ZFP36L2: variants seen among roughly 807,000 people sequenced by gnomAD.
The protein encoded by ZFP36L2 is ZFP36 like 2 zinc finger CCCH-type.
A neutral mutation model predicts 27.9 loss-of-function variants in ZFP36L2; 16 were observed. That is an observed-to-expected ratio of 0.57 (90% CI 0.39 to 0.87). ZFP36L2 has a LOEUF of 0.87. Among genes scored for constraint, ZFP36L2 ranks in the 40% least tolerant of loss-of-function variants. The pLI is 0.00. For synonymous variants in ZFP36L2, 600 were observed against 363.8 expected (o/e 1.65, Z -7.39); for missense variants, 989 against 726.9 (o/e 1.36, Z -4.15).
chr2:43,225,312 C>T lies in ZFP36L2; in HGVS notation c.492G>A (p.Glu164=), dbSNP rs1667065277. The T allele has an allele frequency of 2.5e-6, 4 of 1,612,956 alleles. No homozygotes were observed. The Admixed American group carries it at 6.7e-5, about 27-fold the overall frequency. Residue 164 remains glutamate, a synonymous_variant, in exon 2 of 2, where the codon GAG becomes GAA. Coordinates refer to ENST00000282388, the MANE Select transcript of ZFP36L2 (RefSeq NM_006887.5). ...YKTELCRPFE[E]SGTCKYGEKC... The stretch of plus-strand genomic sequence containing the variant: ...TTTCGCCGTACTTGCACGTGCCGCT[C>T]TCCTCGAAGGGCCGGCACAGCTCGG...
In ZFP36L2 at chr2:43,226,454, G is replaced by C. The variant is rs969062971; in HGVS notation, c.-139C>G. 2 of 1,118,058 alleles carry C rather than the reference G, an allele frequency of 1.8e-6. No homozygotes were observed. Among genetic ancestry groups the C allele is most frequent in the Admixed American group, 2.1e-5 (1 of 47,018 alleles). 69.3% of individuals were successfully genotyped at this position (1,118,058 alleles called of 1,614,324 possible). ...CCGAAAGTTTGCCGGGGGGCGAGAGGAGAGGGCGAGTGCAGCGGCGCGGGC... is the reference window on the plus strand; with the variant it reads ...CCGAAAGTTTGCCGGGGGGCGAGAGCAGAGGGCGAGTGCAGCGGCGCGGGC... On this transcript the variant is annotated 5_prime_UTR_variant, in exon 1 of 2. Coordinates refer to ENST00000282388, the MANE Select transcript of ZFP36L2 (RefSeq NM_006887.5).
chr2:43,225,901 T>A (rs536738963), intron 1 of ZFP36L2, 149 bp from the exon 2 acceptor site: 142 of 845,722 alleles, frequency 1.7e-4, no homozygotes, highest in Non-Finnish European at 2.2e-4. Flanking sequence ...CCTCCACCTA[T>A]ACACGCGCAA....
At position 43,226,233 on chromosome 2, in the gene ZFP36L2, C is replaced by G. The variant is rs754742107; in HGVS notation, c.51+32G>C. On this transcript the variant is annotated intron_variant, in intron 1 of 1. Transcript: ENST00000282388. ...AGGCAAAGTCCAAGAACTACAACGG[C>G]TGCTGCCGGCCGGGCCCGCTCCCTG... 9 of 1,561,604 alleles carry G rather than the reference C, an allele frequency of 5.8e-6. No homozygotes were observed. The East Asian group carries it at 1.7e-4, about 29-fold the overall frequency.
At chr2:43,226,078 A>G (rs1043478852) in intron 1 of ZFP36L2, among the ~76,000 whole-genome samples, 187 bp downstream of exon 1, 2 of 152,116 alleles carry the variant, frequency 1.3e-5, no homozygotes, top group African/African-American at 4.8e-5. Context: ...GAGAAACTCA[A>G]CCGCGACACC....
rs1346087275 is a variant in ZFP36L2, at chr2:43,225,611, C to G, written c.193G>C (p.Ala65Pro). ...RHSASNLHALAHPAPSPGSCS... is the reference protein window; with the variant it reads ...RHSASNLHALPHPAPSPGSCS... Reference sequence around the variant, plus strand: ...CTGCCGGGGCTGGGCGCGGGGTGGGCGAGTGCATGCAGGTTGCTGGCCGAG... The same window carrying G: ...CTGCCGGGGCTGGGCGCGGGGTGGGGGAGTGCATGCAGGTTGCTGGCCGAG... The change falls in exon 2 of 2, where the codon GCC becomes CCC. Residue 65 changes from alanine (A) to proline (P), a missense_variant. By Grantham distance (27) the Ala-to-Pro change is conservative (BLOSUM62 -1). Transcript: ENST00000282388. 1 of 1,560,676 alleles carries G rather than the reference C, an allele frequency of 6.4e-7. No individual in the cohort carries two copies. Among genetic ancestry groups the G allele is most frequent in the African/African-American group, 1.3e-5 (1 of 74,078 alleles).
chr2:43,224,954 T>C lies in ZFP36L2; in HGVS notation c.850A>G (p.Thr284Ala), dbSNP rs1236580930. 29 of 1,567,024 alleles carry C rather than the reference T, an allele frequency of 1.9e-5. No homozygotes were observed. The highest frequency in any genetic ancestry group is 2.4e-5 in the Non-Finnish European group (28 of 1,170,266). Residue 284 changes from threonine to alanine, a missense_variant, in exon 2 of 2, where the codon ACG (threonine) becomes GCG (alanine). Coordinates refer to ENST00000282388, the MANE Select transcript of ZFP36L2 (RefSeq NM_006887.5). Reference sequence around the variant, plus strand: ...GAGGGCGGCGGCGGCGTGCGCGACGTGGGGCTGTCGAGCAGCAGCGGCGAC... The same window carrying C: ...GAGGGCGGCGGCGGCGTGCGCGACGCGGGGCTGTCGAGCAGCAGCGGCGAC... ...LESPLLLDSP[T>A]SRTPPPPSCS...
Position 43,224,692 on chromosome 2 carries a change from C to G in ZFP36L2, c.1112G>C (p.Ser371Thr). 1 of 1,540,740 alleles carries G rather than the reference C, an allele frequency of 6.5e-7. No homozygotes were observed. Among genetic ancestry groups the G allele is most frequent in the Non-Finnish European group, 8.7e-7 (1 of 1,149,106 alleles). The change falls in exon 2 of 2, where the codon AGC (serine) becomes ACC (threonine). Residue 371 changes from serine (S) to threonine (T), a missense_variant. By Grantham distance (58) the Ser-to-Thr change is moderately conservative. Coordinates refer to ENST00000282388, the MANE Select transcript of ZFP36L2 (RefSeq NM_006887.5). ...CTGGATGGCGAGCGGCGTGATGAGG[C>G]TGCTGAGCTCCGGACCGAAGGCGAA... ...NAFAFGPELS[S>T]LITPLAIQTH...
chr2:43,225,038 G>T lies in ZFP36L2; in HGVS notation c.766C>A (p.His256Asn). The change falls in exon 2 of 2, where the codon CAC (histidine) becomes AAC (asparagine). Residue 256 changes from histidine to asparagine, a missense_variant. Coordinates refer to ENST00000282388, the MANE Select transcript of ZFP36L2 (RefSeq NM_006887.5). ...GGGAAGCCCGAGAAGCTGAGGCTGT[G>T]GTGCAACTTGGGCCGCGGCTCCCGC... is the stretch of plus-strand genomic sequence containing the variant. Reference protein sequence around the residue: ...FPREPRPKLHHSLSFSGFPSG... With the variant: ...FPREPRPKLHNSLSFSGFPSG... 1 of 1,595,656 alleles carries T rather than the reference G, an allele frequency of 6.3e-7. No homozygotes were observed. Among genetic ancestry groups the T allele is most frequent in the Non-Finnish European group, 8.5e-7 (1 of 1,178,626 alleles).
intron 1 of ZFP36L2, 40 bp from the exon 2 acceptor site, chr2:43,225,792 A>C: frequency 6.4e-7 from 1 of 1,557,032 alleles, no homozygotes; most frequent in South Asian, 1.1e-5. Flanking sequence ...TGAAAAACGG[A>C]AGGGGAAGAC....
rs1666996817 is a variant in ZFP36L2 at position 43,222,828 on chromosome 2, C to T, written c.*1491G>A. The T allele has an allele frequency of 6.6e-6, 1 of 152,290 alleles. No homozygotes were observed. The highest frequency in any genetic ancestry group is 2.4e-5 in the African/African-American group (1 of 41,416). The allele number at this position is 152,290 out of a possible 1,614,324, so 9.4% of individuals were successfully genotyped here. ...TGTGCAGTTGAACCCATCCTACATT[C>T]AGATTCTCTCAAGCACTAATAAAAT... On this transcript the variant is annotated 3_prime_UTR_variant, in exon 2 of 2. Transcript: ENST00000282388.
In ZFP36L2 at chr2:43,223,716, A is replaced by C. The variant is rs1667017958; in HGVS notation, c.*603T>G. On this transcript the variant is annotated 3_prime_UTR_variant, in exon 2 of 2. Transcript: ENST00000282388. ...TATATAATTCTGTTAAAAAACAAAAAACACCTATGGGCTGAGGGCTAACTA... is the reference window on the plus strand; with the variant it reads ...TATATAATTCTGTTAAAAAACAAAACACACCTATGGGCTGAGGGCTAACTA... 6.6e-6 allele frequency: 1 copy of C among 152,316 alleles called. No homozygotes were observed. Among genetic ancestry groups the C allele is most frequent in the Non-Finnish European group, 1.5e-5 (1 of 67,910 alleles). 9.4% of individuals were successfully genotyped at this position (152,316 alleles called of 1,614,324 possible). A position where few individuals can be genotyped will look rare whatever the true frequency, so the allele number is the denominator to read the frequency against.
chr2:43,225,483 G>C lies in ZFP36L2; in HGVS notation c.321C>G (p.Gly107=). The C allele has an allele frequency of 6.2e-7, 1 of 1,610,498 alleles. No individual in the cohort carries two copies. Among genetic ancestry groups the C allele is most frequent in the South Asian group, 1.1e-5 (1 of 90,874 alleles). ...CCTTGTTGAGCAGGGCTGTGCCGCCGCCCCCCGACGGCTCCTTAAGGGTGC... is the reference window on the plus strand; with the variant it reads ...CCTTGTTGAGCAGGGCTGTGCCGCCCCCCCCCGACGGCTCCTTAAGGGTGC... The part of the protein sequence containing the change: ...SYGTLKEPSG[G]GGTALLNKEN... The change falls in exon 2 of 2, where the codon GGC becomes GGG. Residue 107 remains glycine (G), a synonymous_variant. Transcript: ENST00000282388.
intron 1 of ZFP36L2, 83 bp downstream of exon 1, chr2:43,226,182 G>A (rs1667099041): frequency 6.6e-7 from 1 of 1,520,240 alleles, no homozygotes; most frequent in Non-Finnish European, 8.9e-7. Flanking sequence ...AGGGCGGGAG[G>A]GGCGTCCCCC....
chr2:43,225,106 A>G lies in ZFP36L2; in HGVS notation c.698T>C (p.Leu233Pro), dbSNP rs1667060389. 1 of 1,592,878 alleles carries G rather than the reference A, an allele frequency of 6.3e-7. No individual in the cohort carries two copies. The highest frequency in any genetic ancestry group is 8.5e-7 in the Non-Finnish European group (1 of 1,177,038). The change falls in exon 2 of 2, where the codon CTG (leucine) becomes CCG (proline). Residue 233 changes from leucine to proline, a missense_variant. By Grantham distance (98) the Leu-to-Pro change is moderately conservative. Transcript: ENST00000282388. ...CGCATCGCGCGTGCCAAAGGCACGC[A>G]GGTCCCCGGAGGCGCCCCCCGACGG... ...PAPSGGASGD[L>P]RAFGTRDALH...
At chr2:43,226,243 C>G in intron 1 of ZFP36L2, 22 bp downstream of exon 1, 2 of 1,567,564 alleles carry the variant, frequency 1.3e-6, no homozygotes, top group Non-Finnish European at 1.7e-6. Context: ...CTGCTGCCGG[C>G]CGGGCCCGCT....
Position 43,224,794 on chromosome 2 carries a change from G to A in ZFP36L2, c.1010C>T (p.Thr337Ile), listed in dbSNP as rs756020242. ...AAAAAALLYG[T>I]GGAEDLLAPG... ...CGCCAGCAGGTCCTCGGCGCCCCCG[G>A]TGCCGTACAGCAGAGCGGCCGCAGC... The change falls in exon 2 of 2, where the codon ACC becomes ATC. Residue 337 changes from threonine (T) to isoleucine (I), a missense_variant. Thr to Ile is a moderately conservative substitution (Grantham distance 89). Coordinates refer to ENST00000282388, the MANE Select transcript of ZFP36L2 (RefSeq NM_006887.5). 4.8e-6 allele frequency: 7 copies of A among 1,460,870 alleles called. No homozygotes were observed. Among genetic ancestry groups the A allele is most frequent in the South Asian group, 4.0e-5 (3 of 75,456 alleles). 90.5% of individuals were successfully genotyped at this position (1,460,870 alleles called of 1,614,324 possible).
chr2:43,223,541 T>C lies in ZFP36L2; in HGVS notation c.*778A>G, dbSNP rs575597572. ...AAAACAGCTAAAAATTCAGCAGTTA[T>C]TCTCCAACAATTACAAAGTAAGCTC... On this transcript the variant is annotated 3_prime_UTR_variant, in exon 2 of 2. Coordinates refer to ENST00000282388, the MANE Select transcript of ZFP36L2 (RefSeq NM_006887.5). 1 of 152,760 alleles carries C rather than the reference T, an allele frequency of 6.5e-6. No individual in the cohort carries two copies. The highest frequency in any genetic ancestry group is 1.9e-4 in the East Asian group (1 of 5,330). 9.5% of individuals were successfully genotyped at this position (152,760 alleles called of 1,614,324 possible).
rs576209896 is a variant in ZFP36L2 at position 43,225,823 on chromosome 2, A to T, written c.52-71T>A. 934 of 1,446,700 alleles carry T rather than the reference A, an allele frequency of 6.5e-4. 5 individuals carry two copies. The African/African-American group carries it at 0.012, about 19-fold the overall frequency. 89.6% of individuals were successfully genotyped at this position (1,446,700 alleles called of 1,614,324 possible). A position where few individuals can be genotyped will look rare whatever the true frequency, so the allele number is the denominator to read the frequency against. The stretch of plus-strand genomic sequence containing the variant: ...AAGACAGACTCGGGGCGAGCCGCAG[A>T]GGAACTCCCAGCCTGATTCTTTTCC... On this transcript the variant is annotated intron_variant, in intron 1 of 1. Coordinates refer to ENST00000282388, the MANE Select transcript of ZFP36L2 (RefSeq NM_006887.5).
At position 43,225,504 on chromosome 2, in the gene ZFP36L2, G is replaced by A. The variant is rs754958388; in HGVS notation, c.300C>T (p.Thr100=). The change falls in exon 2 of 2, where the codon ACC becomes ACT. Residue 100 remains threonine, a synonymous_variant. Coordinates refer to ENST00000282388, the MANE Select transcript of ZFP36L2 (RefSeq NM_006887.5). Reference sequence around the variant, plus strand: ...CGCCGCCCCCCGACGGCTCCTTAAGGGTGCCGTAGGAGGTCGGACCGCCGG... The same window carrying A: ...CGCCGCCCCCCGACGGCTCCTTAAGAGTGCCGTAGGAGGTCGGACCGCCGG... ...AAAGGPTSYG[T]LKEPSGGGGT... 6.2e-7 allele frequency: 1 copy of A among 1,606,436 alleles called. No individual in the cohort carries two copies. The highest frequency in any genetic ancestry group is 8.5e-7 in the Non-Finnish European group (1 of 1,178,018).
Sources: gnomAD v4.1 joint callset for allele counts (sites outside exome capture counted in the v4.1 genomes callset) on GRCh38, gnomAD v4.1.1 for gene constraint, MANE v1.5 for transcripts, NCBI Gene and HGNC (gene_info 2026-07-23, HGNC 2026-07-21) for gene names.